Variants in CHORDC1 observed in about 807,000 individuals in gnomAD.
CHORDC1 encodes cysteine and histidine-rich domain-containing protein 1.
CHORDC1 carries 25 observed loss-of-function variants against 48.3 expected under a neutral mutation model. The observed-to-expected ratio is 0.52, with a 90% CI of 0.38 to 0.72. The LOEUF (loss-of-function observed/expected upper bound fraction) is 0.72. Ranked by LOEUF, CHORDC1 falls within the 30% of genes least tolerant of loss-of-function variation. The pLI is 0.00. For synonymous variants in CHORDC1, 128 were observed against 126.4 expected, an observed-to-expected ratio of 1.01 and a Z score of -0.09; for missense variants, 317 against 388.7, an observed-to-expected ratio of 0.82 and a Z score of 1.55.
chr11:90,222,860 G>A (rs906350905), intron 1 of CHORDC1, 31 bp downstream of exon 1: 1 of 1,599,900 alleles, frequency 6.3e-7, no homozygotes, highest in Non-Finnish European at 8.6e-7. Flanking sequence ...GAGGTGGAGG[G>A]GAGGGAGGGC....
intron 8 of CHORDC1, among the ~76,000 whole-genome samples, 179 bp from the exon 9 acceptor site, chr11:90,203,606 C>A (rs1166803875): frequency 6.6e-6 from 1 of 152,120 alleles, no homozygotes; most frequent in Non-Finnish European, 1.5e-5. Context: ...TATCATGGTA[C>A]AAAGATTCTT....
In CHORDC1 at chr11:90,222,680, G is replaced by A; in HGVS notation, c.64+211C>T. 3 of 697,658 alleles carry A rather than the reference G, an allele frequency of 4.3e-6. No individual in the cohort carries two copies. In the South Asian group the frequency reaches 4.5e-5, roughly 10 times the overall value. 43.2% of individuals were successfully genotyped at this position (697,658 alleles called of 1,614,324 possible). On this transcript the variant is annotated intron_variant, in intron 1 of 10. Coordinates refer to ENST00000320585, the MANE Select transcript of CHORDC1 (RefSeq NM_012124.3). ...TCTCCGCAGTGGCAGAGGACAGTCA[G>A]GCGCCGGGGCCGGGCGCTCGCCAAG...
intron 4 of CHORDC1, chr11:90,212,270 G>A (rs1424646970): frequency 6.8e-6 from 1 of 146,754 alleles, no homozygotes; most frequent in Non-Finnish European, 1.5e-5. Flanking sequence ...CTGTTCTCAT[G>A]ATAGTGAATA....
chr11:90,202,937 CTG>C lies in CHORDC1; in HGVS notation c.790-64_790-63del, dbSNP rs568640268. ...AACTGAAGATTTATGCTATCAAACA[CTG>C]ATTATAAAAATAAGACTGACAAAAA... On this transcript the variant is annotated intron_variant, in intron 9 of 10. Transcript: ENST00000320585. The C allele has an allele frequency of 3.0e-3, 4,497 of 1,496,334 alleles. 11 individuals carry two copies. The highest frequency in any genetic ancestry group is 3.5e-3 in the Non-Finnish European group (3,856 of 1,113,794). The allele number at this position is 1,496,334 out of a possible 1,614,324, so 92.7% of individuals were successfully genotyped here. A position where few individuals can be genotyped will look rare whatever the true frequency, so the allele number is the denominator to read the frequency against.
intron 1 of CHORDC1, among the ~76,000 whole-genome samples, chr11:90,219,179 G>A (rs547095630): frequency 3.0e-4 from 45 of 152,008 alleles, no homozygotes; most frequent in African/African-American, 9.7e-4. Flanking sequence ...CAGGAGAATC[G>A]CTTGAACTTG....
At chr11:90,213,588 T>C in intron 4 of CHORDC1, 1 of 478,116 alleles carries the variant, frequency 2.1e-6, no homozygotes, top group Non-Finnish European at 3.7e-6. Flanking sequence ...AATTGACCAG[T>C]AGTAATGAGA....
intron 1 of CHORDC1, among the ~76,000 whole-genome samples, chr11:90,220,983 A>C (rs1302387142): frequency 2.0e-5 from 3 of 152,194 alleles, no homozygotes; most frequent in Admixed American, 6.5e-5. Flanking sequence ...TTCAGTTACA[A>C]GTTAAAACGT....
At chr11:90,213,545 C>A in intron 4 of CHORDC1, 1 of 540,380 alleles carries the variant, frequency 1.9e-6, no homozygotes, top group Non-Finnish European at 3.3e-6. Context: ...AGACTACTTT[C>A]ACAAATATGT....
rs769487831 is a variant in CHORDC1, at chr11:90,203,387, G to A, written c.710C>T (p.Thr237Ile). Residue 237 changes from threonine to isoleucine, a missense_variant, in exon 9 of 11, where the codon ACT (threonine) becomes ATT (isoleucine). Coordinates refer to ENST00000320585, the MANE Select transcript of CHORDC1 (RefSeq NM_012124.3). Reference sequence around the variant, plus strand: ...TACTGAAATGGTAACTTCACCTCCAGTCTGATGCCAGTCATGTCTACATGG... The same window carrying A: ...TACTGAAATGGTAACTTCACCTCCAATCTGATGCCAGTCATGTCTACATGG... The part of the protein sequence containing the change: ...VVPCRHDWHQ[T>I]GGEVTISVYA... 1.3e-6 allele frequency: 2 copies of A among 1,596,154 alleles called. No homozygotes were observed. Among genetic ancestry groups the A allele is most frequent in the Non-Finnish European group, 1.7e-6 (2 of 1,167,792 alleles).
chr11:90,218,931 T>G (rs1365604550), intron 1 of CHORDC1, among the ~76,000 whole-genome samples: 1 of 151,052 alleles, frequency 6.6e-6, no homozygotes, highest in Non-Finnish European at 1.5e-5. Flanking sequence ...AGTGTGCATT[T>G]TCAACATTAA....
At chr11:90,210,741 T>G (rs1220635482) in intron 5 of CHORDC1, 147 bp from the exon 6 acceptor site, 1 of 603,884 alleles carries the variant, frequency 1.7e-6, no homozygotes, top group East Asian at 2.8e-5. Flanking sequence ...AATTGATATA[T>G]GACACATTTC....
chr11:90,209,075 G>C (rs1244336913), intron 6 of CHORDC1: 5 of 151,962 alleles, frequency 3.3e-5, no homozygotes, highest in Admixed American at 1.3e-4. Flanking sequence ...CCTTCTCCTT[G>C]ATCTTCCTCT....
In CHORDC1 at chr11:90,206,798, G is replaced by A. The variant is rs568122172; in HGVS notation, c.493-526C>T. 3.9e-6 allele frequency: 5 copies of A among 1,285,442 alleles called. No individual in the cohort carries two copies. The South Asian group carries it at 6.2e-5, about 16-fold the overall frequency. The allele number at this position is 1,285,442 out of a possible 1,614,324, so 79.6% of individuals were successfully genotyped here. On this transcript the variant is annotated intron_variant, in intron 6 of 10. Coordinates refer to ENST00000320585, the MANE Select transcript of CHORDC1 (RefSeq NM_012124.3). ...GGAAGATCCGGGCCCCATTGCTGCTGTAGATGGAGGCTCTACAGATGAATT... is the reference window on the plus strand; with the variant it reads ...GGAAGATCCGGGCCCCATTGCTGCTATAGATGGAGGCTCTACAGATGAATT...
chr11:90,222,562 G>C (rs1461655990), intron 1 of CHORDC1: 4 of 554,092 alleles, frequency 7.2e-6, no homozygotes, highest in South Asian at 6.2e-5. Flanking sequence ...AGACTGGAGG[G>C]CCAGAGGAGA....
chr11:90,213,500 A>AC, intron 4 of CHORDC1: 1 of 653,176 alleles, frequency 1.5e-6, no homozygotes. Context: ...AAGAATCTGT[A>AC]CAACTCTATT....
intron 1 of CHORDC1, among the ~76,000 whole-genome samples, chr11:90,220,021 T>C (rs778989718): frequency 3.9e-5 from 6 of 152,356 alleles, no homozygotes; most frequent in Middle Eastern, 3.4e-3. Context: ...TAAACTGTCT[T>C]AAAACATTAT....
intron 2 of CHORDC1, among the ~76,000 whole-genome samples, chr11:90,216,879 T>C (rs186109030): frequency 6.6e-6 from 1 of 151,582 alleles, no homozygotes; most frequent in African/African-American, 2.4e-5. Context: ...ATGAACTGAA[T>C]GAGAGAAAAC....
At chr11:90,218,030 G>A (rs1276878018) in intron 2 of CHORDC1, 105 bp downstream of exon 2, 1 of 791,744 alleles carries the variant, frequency 1.3e-6, no homozygotes, top group African/African-American at 1.8e-5. Context: ...AGGTCATTAA[G>A]AAGAAAGTCA....
At chr11:90,207,764 A>AG (rs1183075928) in intron 6 of CHORDC1, 1 of 147,382 alleles carries the variant, frequency 6.8e-6, no homozygotes, top group Non-Finnish European at 1.5e-5. Context: ...TAAAATACAA[A>AG]AAAAAAAAAA....
Sources: gnomAD v4.1 joint callset for allele counts (sites outside exome capture counted in the v4.1 genomes callset) on GRCh38, gnomAD v4.1.1 for gene constraint, MANE v1.5 for transcripts, NCBI Gene and HGNC (gene_info 2026-07-23, HGNC 2026-07-21) for gene names.